The following DNAH11 variants were observed in gnomAD, a reference collection of about 807,000 sequenced individuals.
The protein encoded by DNAH11 is axonemal beta dynein heavy chain 11.
A neutral mutation model predicts 526.0 loss-of-function variants in DNAH11; 442 were observed. That is an observed-to-expected ratio of 0.84 (90% CI 0.78 to 0.91). The LOEUF (loss-of-function observed/expected upper bound fraction) is 0.91. Among genes scored for constraint, DNAH11 ranks in the 40% least tolerant of loss-of-function variants. The probability of loss-of-function intolerance (pLI) is 0.00; values close to 1 mark genes in which losing one functional copy is unlikely to be tolerated. For missense variants in DNAH11, 6,989 were observed against 5,448.7 expected (o/e 1.28, Z -8.90); for synonymous variants, 2,461 against 1,935.9 (o/e 1.27, Z -7.12).
intron 51 of DNAH11, among the ~76,000 whole-genome samples, chr7:21,748,275 G>T (rs919932286): frequency 3.9e-5 from 6 of 152,204 alleles, no homozygotes; most frequent in African/African-American, 1.4e-4. Flanking sequence ...CTTGAGATCA[G>T]GAGTTCAAGA....
At chr7:21,717,536 G>C (rs1198306809) in intron 42 of DNAH11, among the ~76,000 whole-genome samples, 1 of 152,052 alleles carries the variant, frequency 6.6e-6, no homozygotes, top group African/African-American at 2.4e-5. Context: ...ATTATGTTTG[G>C]CTTCTGAGTG....
intron 54 of DNAH11, among the ~76,000 whole-genome samples, chr7:21,758,354 A>T (rs1337535167): frequency 1.3e-5 from 2 of 152,250 alleles, no homozygotes; most frequent in Non-Finnish European, 2.9e-5. Context: ...ACCTCAAAAG[A>T]ATTAGGATAC....
chr7:21,811,579 G>A (rs962439122), intron 63 of DNAH11, among the ~76,000 whole-genome samples: 1 of 152,124 alleles, frequency 6.6e-6, no homozygotes, highest in Non-Finnish European at 1.5e-5. Context: ...GGGAGGAATG[G>A]GGAGTTATTG....
Position 21,720,822 on chromosome 7 carries a change from T to G in DNAH11, c.7232T>G (p.Ile2411Ser), listed in dbSNP as rs774038334. 2 of 1,613,194 alleles carry G rather than the reference T, an allele frequency of 1.2e-6. No individual in the cohort carries two copies. The highest frequency in any genetic ancestry group is 3.3e-5 in the Admixed American group (2 of 59,916). Residue 2411 changes from isoleucine (I) to serine (S), a missense_variant, in exon 44 of 82, where the codon ATC becomes AGC. Coordinates refer to ENST00000409508, the MANE Select transcript of DNAH11 (RefSeq NM_001277115.2). ...VYEVYFVFACIWAFGGTLLQD... is the reference protein window; with the variant it reads ...VYEVYFVFACSWAFGGTLLQD... Reference sequence around the variant, plus strand: ...GAAGTCTATTTTGTATTTGCTTGTATCTGGGCTTTTGGAGGCACCCTGCTA... The same window carrying G: ...GAAGTCTATTTTGTATTTGCTTGTAGCTGGGCTTTTGGAGGCACCCTGCTA...
intron 61 of DNAH11, among the ~76,000 whole-genome samples, chr7:21,798,210 C>A (rs1490477757): frequency 2.6e-5 from 4 of 152,188 alleles, no homozygotes; most frequent in Non-Finnish European, 5.9e-5. Context: ...ATTCTTGTGC[C>A]TCAGCCTCCT....
intron 81 of DNAH11, 123 bp from the exon 82 acceptor site, chr7:21,900,884 A>C: frequency 6.9e-7 from 1 of 1,458,246 alleles, no homozygotes; most frequent in Non-Finnish European, 9.1e-7. Context: ...TAAAAATACC[A>C]CTGACAAGCA....
intron 65 of DNAH11, among the ~76,000 whole-genome samples, chr7:21,819,278 T>C (rs141753294): frequency 7.5e-4 from 114 of 152,320 alleles, no homozygotes; most frequent in African/African-American, 2.5e-3. Flanking sequence ...AGATTATTCT[T>C]GTCAATTTTA....
In DNAH11 at chr7:21,773,997, C is replaced by G; in HGVS notation, c.9334C>G (p.Gln3112Glu). ...GIQKLKTTASQVGDLKARLAS... is the reference protein window; with the variant it reads ...GIQKLKTTASEVGDLKARLAS... ...CCAAAAGCTAAAAACCACAGCCTCT[C>G]AGGTATGACCAGGATGTGTTATTAC... Residue 3112 changes from glutamine to glutamate, a missense_variant and splice_region_variant, in exon 56 of 82, where the codon CAG becomes GAG. Physicochemically the swap from Gln to Glu is conservative, Grantham distance 29 (BLOSUM62 2). Transcript: ENST00000409508. 1 of 1,553,882 alleles carries G rather than the reference C, an allele frequency of 6.4e-7. No individual in the cohort carries two copies. The highest frequency in any genetic ancestry group is 8.7e-7 in the Non-Finnish European group (1 of 1,150,748).
rs116469826 is a variant in DNAH11 at position 21,596,442 on chromosome 7, C to T, written c.2668-3345C>T. Reference sequence around the variant, plus strand: ...CAGCAGTATCTTAACTAAGTCATGCCGTGGACTATTTCTAGTTGTTCAATA... The same window carrying T: ...CAGCAGTATCTTAACTAAGTCATGCTGTGGACTATTTCTAGTTGTTCAATA... On this transcript the variant is annotated intron_variant, in intron 14 of 81. Coordinates refer to ENST00000409508, the MANE Select transcript of DNAH11 (RefSeq NM_001277115.2). Among the ~76,000 whole-genome samples the T allele has an allele frequency of 1.4e-3, 207 of 152,202 alleles. 1 individual carries two copies. The highest frequency in any genetic ancestry group is 4.6e-3 in the African/African-American group (191 of 41,528).
rs544234928 is a variant in DNAH11 at position 21,704,543 on chromosome 7, G to A, written c.6383G>A (p.Arg2128Gln). 128 of 1,613,822 alleles carry A rather than the reference G, an allele frequency of 7.9e-5. 2 individuals carry two copies. The South Asian group carries it at 1.2e-3, about 15-fold the overall frequency. Reference sequence around the variant, plus strand: ...CTGTTTCCAGCCCTGGATGTGCCCCGGAGGAGGAAGCTGCACTTTGAACAG... The same window carrying A: ...CTGTTTCCAGCCCTGGATGTGCCCCAGAGGAGGAAGCTGCACTTTGAACAG... ...GDLFPALDVP[R>Q]RRKLHFEQMV... The change falls in exon 38 of 82, where the codon CGG (arginine) becomes CAG (glutamine). Residue 2128 changes from arginine to glutamine, a missense_variant. Physicochemically the swap from Arg to Gln is conservative, Grantham distance 43. Coordinates refer to ENST00000409508, the MANE Select transcript of DNAH11 (RefSeq NM_001277115.2).
intron 68 of DNAH11, among the ~76,000 whole-genome samples, chr7:21,859,658 C>G (rs1291778344): frequency 6.6e-6 from 1 of 152,054 alleles, no homozygotes; most frequent in Non-Finnish European, 1.5e-5. Flanking sequence ...AATCTGTGGT[C>G]TCTGGTCCCT....
intron 26 of DNAH11, among the ~76,000 whole-genome samples, chr7:21,637,328 C>A (rs1583552099): frequency 6.6e-6 from 1 of 151,456 alleles, no homozygotes; most frequent in Non-Finnish European, 1.5e-5. Context: ...TGCCTTTATT[C>A]TTTTTCGTTT....
chr7:21,644,550 T>C (rs1787264808), intron 28 of DNAH11, among the ~76,000 whole-genome samples: 1 of 152,106 alleles, frequency 6.6e-6, no homozygotes, highest in South Asian at 2.1e-4. Context: ...ATAAGACGTA[T>C]CTAATGTGGA....
chr7:21,592,032 T>C (rs948387345), intron 14 of DNAH11, among the ~76,000 whole-genome samples: 1 of 152,136 alleles, frequency 6.6e-6, no homozygotes, highest in African/African-American at 2.4e-5. Flanking sequence ...GGCACTCATC[T>C]AGGCTTGTGA....
intron 2 of DNAH11, 124 bp downstream of exon 2, chr7:21,545,273 T>TAA (rs1286789068): frequency 5.3e-5 from 6 of 113,532 alleles, no homozygotes; most frequent in East Asian, 9.3e-4. Flanking sequence ...ATGGGGGTGG[T>TAA]TAAAAAAAAA....
At chr7:21,730,246 AACAG>A (rs1785319575) in intron 45 of DNAH11, among the ~76,000 whole-genome samples, 2 of 152,326 alleles carry the variant, frequency 1.3e-5, no homozygotes, top group South Asian at 2.1e-4. Context: ...TCAGTGGATG[AACAG>A]ACAAAGAAAA....
At position 21,867,869 on chromosome 7, in the gene DNAH11, G is replaced by A; in HGVS notation, c.11701G>A (p.Glu3901Lys). The A allele has an allele frequency of 1.3e-6, 2 of 1,572,706 alleles. No homozygotes were observed. The highest frequency in any genetic ancestry group is 1.7e-6 in the Non-Finnish European group (2 of 1,157,710). ...RMTYALRNFV[E>K]EKLGAKYVER... ...TCTTGTTTTTTATAGAAATTTTGTA[G>A]AGGAAAAACTGGGTGCGAAGTATGT... Residue 3901 changes from glutamate (E) to lysine (K), a missense_variant, in exon 72 of 82, where the codon GAG becomes AAG. Coordinates refer to ENST00000409508, the MANE Select transcript of DNAH11 (RefSeq NM_001277115.2).
At position 21,842,709 on chromosome 7, in the gene DNAH11, G is replaced by C. The variant is rs1476798051; in HGVS notation, c.10857G>C (p.Glu3619Asp). The C allele has an allele frequency of 6.2e-7, 1 of 1,613,258 alleles. No homozygotes were observed. The highest frequency in any genetic ancestry group is 1.1e-5 in the South Asian group (1 of 90,906). The change falls in exon 66 of 82, where the codon GAG becomes GAC. Residue 3619 changes from glutamate (E) to aspartate (D), a missense_variant. Physicochemically the swap from Glu to Asp is conservative, Grantham distance 45. Coordinates refer to ENST00000409508, the MANE Select transcript of DNAH11 (RefSeq NM_001277115.2). The part of the protein sequence containing the change: ...EDGLEAQLLA[E>D]VVSIERPDLE... Reference sequence around the variant, plus strand: ...GTCTAGAAGCCCAGCTGCTGGCAGAGGTTGTCAGTATTGAAAGGCCAGATT... The same window carrying C: ...GTCTAGAAGCCCAGCTGCTGGCAGACGTTGTCAGTATTGAAAGGCCAGATT...
At position 21,601,505 on chromosome 7, in the gene DNAH11, G is replaced by A. The variant is rs201764507; in HGVS notation, c.3535G>A (p.Val1179Ile). ...TGACATCATGGTGCATCTTCTGGCT[G>A]TAAGAAGCCGACAGAGAGCTACTGA... ...LVDIMVHLLAVRSRQRATDEL... is the reference protein window; with the variant it reads ...LVDIMVHLLAIRSRQRATDEL... The change falls in exon 18 of 82, where the codon GTA (valine) becomes ATA (isoleucine). Residue 1179 changes from valine (V) to isoleucine (I), a missense_variant. Physicochemically the swap from Val to Ile is conservative, Grantham distance 29. Transcript: ENST00000409508. The A allele has an allele frequency of 4.3e-6, 7 of 1,613,776 alleles. No homozygotes were observed. In the Admixed American group the frequency reaches 5.0e-5, roughly 12 times the overall value.
Sources: allele counts gnomAD v4.1 joint callset (sites outside exome capture counted in the v4.1 genomes callset), GRCh38; gene constraint gnomAD v4.1.1; transcripts MANE v1.5; gene names NCBI Gene and HGNC (gene_info 2026-07-23, HGNC 2026-07-21).